The following PTPRN variants were observed in gnomAD, a reference collection of about 807,000 sequenced individuals.
The protein encoded by PTPRN is receptor-type tyrosine-protein phosphatase-like N.
In PTPRN, 70 loss-of-function variants were observed where a neutral mutation model predicts 108.5. The observed-to-expected ratio is 0.65, with a 90% confidence interval of 0.53 to 0.79. The LOEUF is 0.79. PTPRN is among the 30% of genes least tolerant of loss of function. The pLI, the probability that PTPRN is intolerant of heterozygous loss-of-function variation, is 0.00. For missense variants in PTPRN, 1,136 were observed against 1,295.5 expected (o/e 0.88, Z 1.89); for synonymous variants, 496 against 524.6 (o/e 0.95, Z 0.75).
At chr2:219,308,015 G>C (rs941741506) in intron 1 of PTPRN, 173 bp from the exon 2 acceptor site, 9 of 634,230 alleles carry the variant, frequency 1.4e-5, no homozygotes, top group African/African-American at 1.1e-4. Context: ...AGGAAGCATG[G>C]GATCTTGTTT....
At chr2:219,303,649 C>T (rs1403467266) in intron 4 of PTPRN, 86 bp downstream of exon 4, 4 of 1,336,226 alleles carry the variant, frequency 3.0e-6, no homozygotes, top group Non-Finnish European at 4.2e-6. Context: ...TTGGTGCCCA[C>T]TTCCTTCCCC....
chr2:219,290,961 A>G lies in PTPRN; in HGVS notation c.2730-71T>C, dbSNP rs1952041186. On this transcript the variant is annotated intron_variant, in intron 20 of 22. Coordinates refer to ENST00000295718, the MANE Select transcript of PTPRN (RefSeq NM_002846.4). The surrounding 1 kb of genome is among the most constrained non-coding windows in gnomAD (Gnocchi z 4.2). ...AGGGGGAGGGACGGAGGAGGCGAGG[A>G]GGCCTGGAGGCCTGGGGGAGGGGAG... The G allele has an allele frequency of 3.4e-6, 5 of 1,450,086 alleles. No individual in the cohort carries two copies. In the East Asian group the frequency reaches 1.1e-4, roughly 33 times the overall value. 89.8% of individuals were successfully genotyped at this position (1,450,086 alleles called of 1,614,324 possible). A position where few individuals can be genotyped will look rare whatever the true frequency, so the allele number is the denominator to read the frequency against.
chr2:219,297,743 C>T lies in PTPRN; in HGVS notation c.1887+142G>A. ...AAGGCCCCTACCATACTCCCTCCCA[C>T]TGGGGCTTCTCCAGCCTCCACTGGA... On this transcript the variant is annotated intron_variant, in intron 13 of 22. Coordinates refer to ENST00000295718, the MANE Select transcript of PTPRN (RefSeq NM_002846.4). The surrounding 1 kb of genome is among the most constrained non-coding windows in gnomAD (Gnocchi z 6.0). 1.0e-6 allele frequency: 1 copy of T among 999,146 alleles called. No homozygotes were observed. Among genetic ancestry groups the T allele is most frequent in the Non-Finnish European group, 1.5e-6 (1 of 682,448 alleles). The allele number at this position is 999,146 out of a possible 1,614,324, so 61.9% of individuals were successfully genotyped here.
chr2:219,290,101 C>A lies in PTPRN; in HGVS notation c.*125G>T. On this transcript the variant is annotated 3_prime_UTR_variant, in exon 23 of 23. Coordinates refer to ENST00000295718, the MANE Select transcript of PTPRN (RefSeq NM_002846.4). This position sits in a 1 kb window ranked among gnomAD's most constrained non-coding sequence, Gnocchi z 4.2. ...CCCTTCTGGCTTTCCCTTCCTGACT[C>A]TTCTAGGAAGGGCTGAGCATGCCCA... The A allele has an allele frequency of 1.1e-6, 1 of 938,068 alleles. No homozygotes were observed. The highest frequency in any genetic ancestry group is 1.7e-6 in the Non-Finnish European group (1 of 598,990). The allele number at this position is 938,068 out of a possible 1,614,324, so 58.1% of individuals were successfully genotyped here.
In PTPRN at chr2:219,307,815, G is replaced by C. The variant is rs1225112942; in HGVS notation, c.143C>G (p.Ser48Cys). 6.2e-7 allele frequency: 1 copy of C among 1,614,204 alleles called. No individual in the cohort carries two copies. The highest frequency in any genetic ancestry group is 1.3e-5 in the African/African-American group (1 of 75,040). The change falls in exon 2 of 23, where the codon TCT (serine) becomes TGT (cysteine). Residue 48 changes from serine to cysteine, a missense_variant. Ser to Cys is a moderately radical substitution (Grantham distance 112). Coordinates refer to ENST00000295718, the MANE Select transcript of PTPRN (RefSeq NM_002846.4). The stretch of plus-strand genomic sequence containing the variant: ...ACCCTGAATACAGACTTCCAGGTGA[G>C]AGCAGAGCCTGCGGTCAAATAGACA... ...HGCLFDRRLC[S>C]HLEVCIQDGL...
chr2:219,297,823 A>G lies in PTPRN; in HGVS notation c.1887+62T>C. 1 of 1,519,788 alleles carries G rather than the reference A, an allele frequency of 6.6e-7. No individual in the cohort carries two copies. The highest frequency in any genetic ancestry group is 8.9e-7 in the Non-Finnish European group (1 of 1,126,496). The allele number at this position is 1,519,788 out of a possible 1,614,324, so 94.1% of individuals were successfully genotyped here. On this transcript the variant is annotated intron_variant, in intron 13 of 22. Transcript: ENST00000295718. This position sits in a 1 kb window ranked among gnomAD's most constrained non-coding sequence, Gnocchi z 6.0. Reference sequence around the variant, plus strand: ...TTCAGTTCCGACCCTTAGTCCACGCAAGACCCAGACTCCCAGGCCCCTTGC... The same window carrying G: ...TTCAGTTCCGACCCTTAGTCCACGCGAGACCCAGACTCCCAGGCCCCTTGC...
In PTPRN at chr2:219,302,209, A is replaced by G. The variant is rs1952366737; in HGVS notation, c.922T>C (p.Ser308Pro). 2 of 1,613,696 alleles carry G rather than the reference A, an allele frequency of 1.2e-6. No individual in the cohort carries two copies. Among genetic ancestry groups the G allele is most frequent in the African/African-American group, 2.7e-5 (2 of 74,852 alleles). Residue 308 changes from serine (S) to proline (P), a missense_variant, in exon 6 of 23, where the codon TCC (serine) becomes CCC (proline). By Grantham distance (74) the Ser-to-Pro change is moderately conservative (BLOSUM62 -1). Coordinates refer to ENST00000295718, the MANE Select transcript of PTPRN (RefSeq NM_002846.4). ...CCTTCCTTCTCATAGCCCTCTGGGG[A>G]GTCCTCTGCCCGGCTGCTGCTCCCT... ...EQGSSSRAED[S>P]PEGYEKEGLG...
chr2:219,307,945 T>TAGAATGAAAGAATA, intron 1 of PTPRN, 103 bp from the exon 2 acceptor site: 2 of 1,194,466 alleles, frequency 1.7e-6, no homozygotes, highest in Non-Finnish European at 1.2e-6. Context: ...ATTTATTCTT[T>TAGAATGAAAGAATA]CATTCTAAAG....
chr2:219,290,370 T>A lies in PTPRN; in HGVS notation c.2869-73A>T. On this transcript the variant is annotated intron_variant, in intron 22 of 22. Coordinates refer to ENST00000295718, the MANE Select transcript of PTPRN (RefSeq NM_002846.4). This position sits in a 1 kb window ranked among gnomAD's most constrained non-coding sequence, Gnocchi z 4.2. ...CTCTGCCCTCAAGATGGGGGGCTTT[T>A]GGTGGGGGGAGGGCCCTGGGCAGGT... The A allele has an allele frequency of 1.1e-6, 1 of 925,774 alleles. No homozygotes were observed. The highest frequency in any genetic ancestry group is 1.7e-6 in the Non-Finnish European group (1 of 587,814). 57.3% of individuals were successfully genotyped at this position (925,774 alleles called of 1,614,324 possible). A position where few individuals can be genotyped will look rare whatever the true frequency, so the allele number is the denominator to read the frequency against.
At chr2:219,295,295 T>A in intron 18 of PTPRN, 154 bp from the exon 19 acceptor site, 1 of 730,412 alleles carries the variant, frequency 1.4e-6, no homozygotes, top group Non-Finnish European at 2.2e-6. Flanking sequence ...GAACCCTGGC[T>A]GCCTGTCACT....
chr2:219,290,252 C>T lies in PTPRN; in HGVS notation c.2914G>A (p.Ala972Thr). 6.2e-7 allele frequency: 1 copy of T among 1,614,038 alleles called. No individual in the cohort carries two copies. The highest frequency in any genetic ancestry group is 8.5e-7 in the Non-Finnish European group (1 of 1,179,950). ...ALTAVAEEVN[A>T]ILKALPQ ...CACTGGGGCAGGGCCTTGAGGATGG[C>T]ATTCACTTCCTCCGCCACGGCTGTC... is the stretch of plus-strand genomic sequence containing the variant. Residue 972 changes from alanine (A) to threonine (T), a missense_variant, in exon 23 of 23, where the codon GCC becomes ACC. Ala to Thr is a moderately conservative substitution (Grantham distance 58). Transcript: ENST00000295718. The surrounding 1 kb of genome is among the most constrained non-coding windows in gnomAD (Gnocchi z 4.2).
chr2:219,294,493 A>ACGGAGAGGGATGAAGGAGG (rs1559294195), intron 19 of PTPRN, among the ~76,000 whole-genome samples: 4,145 of 143,618 alleles, frequency 0.029, 238 homozygotes, highest in African/African-American at 0.11. Flanking sequence ...AGAGGCGAAG[A>ACGGAGAGGGATGAAGGAGG]GACGGAGAGG....
chr2:219,301,086 T>A (rs1247273727), intron 7 of PTPRN, 109 bp from the exon 8 acceptor site: 1 of 1,100,710 alleles, frequency 9.1e-7, no homozygotes, highest in Non-Finnish European at 1.4e-6. Flanking sequence ...TTTGCTGTGG[T>A]CTTCATCTCA....
intron 3 of PTPRN, among the ~76,000 whole-genome samples, chr2:219,306,156 A>G (rs1270758666): frequency 6.6e-6 from 1 of 152,136 alleles, no homozygotes; most frequent in Non-Finnish European, 1.5e-5. Context: ...GTCTCAAACA[A>G]CAACAACAAC....
Position 219,295,052 on chromosome 2 carries a change from C to T in PTPRN, c.2598G>A (p.Thr866=). The change falls in exon 19 of 23, where the codon ACG becomes ACA. Residue 866 remains threonine (T), a synonymous_variant. Coordinates refer to ENST00000295718, the MANE Select transcript of PTPRN (RefSeq NM_002846.4). The part of the protein sequence containing the change: ...LKNVQTQETR[T]LTQFHFLSWP... The stretch of plus-strand genomic sequence containing the variant: ...AGCTGAGGAAGTGGAACTGCGTGAG[C>T]GTGCGCGTCTCCTGGGTCTGCACGT... 1.2e-6 allele frequency: 2 copies of T among 1,613,404 alleles called. No individual in the cohort carries two copies. The highest frequency in any genetic ancestry group is 1.7e-6 in the Non-Finnish European group (2 of 1,179,620).
rs1350375844 is a variant in PTPRN, at chr2:219,290,904, T to G, written c.2730-14A>C. 1 of 1,611,844 alleles carries G rather than the reference T, an allele frequency of 6.2e-7. No homozygotes were observed. The highest frequency in any genetic ancestry group is 2.2e-5 in the East Asian group (1 of 44,822). ...CCCGCACCATCACTGAAACAGGAGT[T>G]AGTGACAGGTTTAGCTTGAGATGCA... On this transcript the variant is annotated splice_polypyrimidine_tract_variant and intron_variant, in intron 20 of 22. Coordinates refer to ENST00000295718, the MANE Select transcript of PTPRN (RefSeq NM_002846.4). This position sits in a 1 kb window ranked among gnomAD's most constrained non-coding sequence, Gnocchi z 4.2.
Position 219,296,482 on chromosome 2 carries a change from G to A in PTPRN, c.2345C>T (p.Ala782Val), listed in dbSNP as rs150127850. Residue 782 changes from alanine to valine, a missense_variant, in exon 17 of 23, where the codon GCC (alanine) becomes GTC (valine). Transcript: ENST00000295718. The surrounding 1 kb of genome is among the most constrained non-coding windows in gnomAD (Gnocchi z 6.0). The stretch of plus-strand genomic sequence containing the variant: ...GGTATGGGACAGCGGGCCCTGCGTG[G>A]CTATGTAGGCTGGCATCCGAGGGTC... Reference protein sequence around the residue: ...EHDPRMPAYIATQGPLSHTIA... With the variant: ...EHDPRMPAYIVTQGPLSHTIA... The A allele has an allele frequency of 1.8e-4, 286 of 1,614,194 alleles. No individual in the cohort carries two copies. The highest frequency in any genetic ancestry group is 1.3e-3 in the African/African-American group (100 of 75,056).
chr2:219,308,541 C>T (rs1405401613), intron 1 of PTPRN, among the ~76,000 whole-genome samples: 4 of 152,130 alleles, frequency 2.6e-5, no homozygotes, highest in South Asian at 4.1e-4. Context: ...GCGCCCCTTC[C>T]CCCACGCGCC....
intron 3 of PTPRN, among the ~76,000 whole-genome samples, chr2:219,306,540 T>C (rs1342210065): frequency 6.6e-6 from 1 of 152,234 alleles, no homozygotes; most frequent in Non-Finnish European, 1.5e-5. Context: ...AGTCAGATCA[T>C]GTGCCCCCAA....
Sources: gnomAD v4.1 joint callset for allele counts (sites outside exome capture counted in the v4.1 genomes callset) on GRCh38, gnomAD v4.1.1 for gene constraint, Gnocchi (gnomAD v3.1) non-coding constraint, MANE v1.5 for transcripts, NCBI Gene and HGNC (gene_info 2026-07-23, HGNC 2026-07-21) for gene names.